The following PHTF2 variants were observed in gnomAD, a reference collection of about 807,000 sequenced individuals.
PHTF2 encodes putative homeodomain transcription factor 2.
In PHTF2, 60 loss-of-function variants were observed where a neutral mutation model predicts 101.2. The observed-to-expected ratio is 0.59, with a 90% CI of 0.48 to 0.73. PHTF2 has a LOEUF of 0.73. PHTF2 is among the 30% of genes least tolerant of loss of function. The probability of loss-of-function intolerance (pLI) is 0.00; values close to 1 mark genes in which losing one functional copy is unlikely to be tolerated. For missense variants in PHTF2, 747 were observed against 908.7 expected (o/e 0.82, Z 2.29); for synonymous variants, 311 against 307.3 (o/e 1.01, Z -0.13).
chr7:77,893,833 G>A (rs949011412), intron 4 of PHTF2, 149 bp from the exon 4 acceptor site: 4 of 684,682 alleles, frequency 5.8e-6, no homozygotes, highest in Admixed American at 2.8e-5. Context: ...TACTCCTGAT[G>A]TTGGTTTTTT....
intron 3 of PHTF2, among the ~76,000 whole-genome samples, chr7:77,888,660 T>C (rs1167107722): frequency 6.6e-6 from 1 of 152,242 alleles, no homozygotes; most frequent in Non-Finnish European, 1.5e-5. Flanking sequence ...GATCTTCTTT[T>C]AATCTTTTGT....
intron 1 of PHTF2, among the ~76,000 whole-genome samples, chr7:77,811,485 C>T (rs974360670): frequency 6.6e-6 from 1 of 152,112 alleles, no homozygotes; most frequent in Admixed American, 6.6e-5. Flanking sequence ...TTGTGTGAAT[C>T]CATTATTAAG....
At chr7:77,878,771 T>G (rs1469191721) in intron 3 of PHTF2, among the ~76,000 whole-genome samples, 1 of 152,240 alleles carries the variant, frequency 6.6e-6, no homozygotes, top group Non-Finnish European at 1.5e-5. Context: ...TTACTGATTT[T>G]ACGTAAGTAT....
intron 12 of PHTF2, among the ~76,000 whole-genome samples, chr7:77,936,984 A>G (rs147133428): frequency 0.043 from 6,535 of 152,132 alleles, 168 homozygotes; most frequent in African/African-American, 0.079. Flanking sequence ...GTCTCTACTA[A>G]AAATAAAAAA....
rs540181351 is a variant in PHTF2, at chr7:77,930,372, T to C, written c.1338+1045T>C. ...CCACCAATACCTCAAATTTAACCAGTCCTCCCTCATAAATCTGTTTTTCTT... is the reference window on the plus strand; with the variant it reads ...CCACCAATACCTCAAATTTAACCAGCCCTCCCTCATAAATCTGTTTTTCTT... On this transcript the variant is annotated intron_variant, in intron 12 of 19. Transcript: ENST00000416283. 2.6e-5 allele frequency among the ~76,000 whole-genome samples: 4 copies of C among 152,018 alleles called. No individual in the cohort carries two copies. In the South Asian group the frequency reaches 8.3e-4, roughly 32 times the overall value.
chr7:77,924,076 A>G (rs1227704613), intron 11 of PHTF2: 1 of 962,934 alleles, frequency 1.0e-6, no homozygotes, highest in Non-Finnish European at 1.2e-6. Flanking sequence ...GATATTTTAA[A>G]AGCTGCATTC....
In PHTF2 at chr7:77,898,352, GTAAAT is replaced by G. The variant is rs1453370903; in HGVS notation, c.217-2354_217-2350del. Among the ~76,000 whole-genome samples, 4 of 152,114 alleles carry G rather than the reference GTAAAT, an allele frequency of 2.6e-5. No individual in the cohort carries two copies. The East Asian group carries it at 7.7e-4, about 29-fold the overall frequency. On this transcript the variant is annotated intron_variant, in intron 5 of 19. Coordinates refer to ENST00000416283, the Ensembl canonical transcript of PHTF2. ...TAGGGAAGCAATTTATAAAAAACAA[GTAAAT>G]TAAAATGTGTTACTGTTTTCAAATA...
chr7:77,934,490 CA>C (rs1393790793), intron 12 of PHTF2, among the ~76,000 whole-genome samples: 3 of 152,130 alleles, frequency 2.0e-5, no homozygotes, highest in African/African-American at 7.2e-5. Flanking sequence ...AACATGCCAC[CA>C]TTTAAGCAAT....
rs572358160 is a variant in PHTF2, at chr7:77,801,118, CCTT to C, written c.-36+2150_-36+2152del. On this transcript the variant is annotated intron_variant, in intron 1 of 19. Coordinates refer to ENST00000416283, the Ensembl canonical transcript of PHTF2. ...TGCTGAAGATAAAGGGATGGAGTCA[CCTT>C]CTCTGTGTTTGAGGAGCATTCATTT... 2.2e-4 allele frequency among the ~76,000 whole-genome samples: 33 copies of C among 152,256 alleles called. 1 individual carries two copies. In the East Asian group the frequency reaches 6.2e-3, roughly 28 times the overall value.
intron 8 of PHTF2, chr7:77,909,822 T>C (rs1228556684): frequency 6.5e-6 from 1 of 154,142 alleles, no homozygotes; most frequent in East Asian, 1.9e-4. Flanking sequence ...CATTTGTAGT[T>C]TTTTGGTGCT....
chr7:77,899,421 G>A (rs1242915838), intron 5 of PHTF2, among the ~76,000 whole-genome samples: 1 of 151,738 alleles, frequency 6.6e-6, no homozygotes, highest in Admixed American at 6.6e-5. Context: ...TTGATTTGGG[G>A]GTACAAAGAA....
At chr7:77,822,074 G>T (rs1013660537) in intron 1 of PHTF2, among the ~76,000 whole-genome samples, 7 of 152,182 alleles carry the variant, frequency 4.6e-5, no homozygotes, top group African/African-American at 1.4e-4. Context: ...TTAGAGACGT[G>T]GGGGGCACTC....
intron 12 of PHTF2, among the ~76,000 whole-genome samples, chr7:77,933,760 C>A (rs1195865826): frequency 2.2e-5 from 3 of 139,358 alleles, no homozygotes; most frequent in African/African-American, 8.3e-5. Flanking sequence ...GCGTGAGGTA[C>A]ACAGTAGGTA....
At chr7:77,830,410 G>A (rs1794988667) in intron 1 of PHTF2, among the ~76,000 whole-genome samples, 1 of 152,184 alleles carries the variant, frequency 6.6e-6, no homozygotes, top group East Asian at 1.9e-4. Context: ...GCTGCACTAC[G>A]GGAGGTGAGC....
intron 2 of PHTF2, among the ~76,000 whole-genome samples, chr7:77,850,034 T>G (rs186833438): frequency 2.9e-4 from 44 of 151,942 alleles, no homozygotes; most frequent in Admixed American, 2.5e-3. Flanking sequence ...GGACTTCCAT[T>G]GCCGTGTTGA....
intron 3 of PHTF2, among the ~76,000 whole-genome samples, chr7:77,855,466 C>G (rs1797100492): frequency 6.6e-6 from 1 of 152,208 alleles, no homozygotes; most frequent in African/African-American, 2.4e-5. Context: ...TGCAAGCATT[C>G]TCTTGGCTGC....
intron 3 of PHTF2, among the ~76,000 whole-genome samples, chr7:77,855,686 G>A (rs1488958900): frequency 1.3e-5 from 2 of 152,104 alleles, no homozygotes; most frequent in Non-Finnish European, 2.9e-5. Context: ...CCTCTGCCTA[G>A]GACTGGTCTA....
At chr7:77,834,852 A>G (rs1795329682) in intron 1 of PHTF2, among the ~76,000 whole-genome samples, 1 of 152,152 alleles carries the variant, frequency 6.6e-6, no homozygotes, top group Non-Finnish European at 1.5e-5. Flanking sequence ...TTTTTCCTTA[A>G]GAGTGTTTAC....
At chr7:77,827,513 C>T (rs1424699128) in intron 1 of PHTF2, among the ~76,000 whole-genome samples, 1 of 152,002 alleles carries the variant, frequency 6.6e-6, no homozygotes, top group African/African-American at 2.4e-5. Flanking sequence ...GCCACCACGC[C>T]CGGCTAGTTT....
Sources: gnomAD v4.1 joint callset for allele counts (sites outside exome capture counted in the v4.1 genomes callset) on GRCh38, gnomAD v4.1.1 for gene constraint, MANE v1.5 for transcripts, NCBI Gene and HGNC (gene_info 2026-07-23, HGNC 2026-07-21) for gene names.